Variants in TSPAN14 observed in about 807,000 individuals in gnomAD.
TSPAN14 encodes tetraspanin 14, also known as tetraspanin-14.
Under a neutral mutation model 36.6 loss-of-function variants are expected in TSPAN14, and 16 were observed. The ratio of observed to expected loss-of-function variants is 0.44; its 90% CI spans 0.30 to 0.66. TSPAN14 has a LOEUF of 0.66. Among genes scored for constraint, TSPAN14 ranks in the 30% least tolerant of loss-of-function variants. TSPAN14 has a pLI of 0.12. For synonymous variants in TSPAN14, 139 were observed against 143.8 expected, an observed-to-expected ratio of 0.97 and a Z score of 0.24; for missense variants, 231 against 355.1, an observed-to-expected ratio of 0.65 and a Z score of 2.81.
At chr10:80,522,265 C>G (rs538925228) in exon 9 of TSPAN14, 1 of 152,208 alleles carries the variant, frequency 6.6e-6, no homozygotes, top group Admixed American at 6.5e-5. Context: ...AATCCCAGAA[C>G]TTTGGGAGGC....
chr10:80,483,186 C>T (rs1383807384), intron 1 of TSPAN14, among the ~76,000 whole-genome samples: 1 of 152,160 alleles, frequency 6.6e-6, no homozygotes, highest in African/African-American at 2.4e-5. Context: ...GACTGCCAGC[C>T]TTATATATTG....
At chr10:80,469,162 G>T (rs898301527) in intron 1 of TSPAN14, among the ~76,000 whole-genome samples, 1 of 151,962 alleles carries the variant, frequency 6.6e-6, no homozygotes, top group Non-Finnish European at 1.5e-5. Context: ...GGTGGGGGTA[G>T]GGATGGGGGG....
chr10:80,461,303 C>T (rs760559126), intron 1 of TSPAN14, among the ~76,000 whole-genome samples: 3 of 152,192 alleles, frequency 2.0e-5, no homozygotes, highest in Admixed American at 6.5e-5. Context: ...AACCTGTCGG[C>T]TGTGGATGGG....
Position 80,480,408 on chromosome 10 carries a change from G to C in TSPAN14, c.-17-8809G>C, listed in dbSNP as rs180829118. Among the ~76,000 whole-genome samples, 12 of 152,290 alleles carry C rather than the reference G, an allele frequency of 7.9e-5. No homozygotes were observed. The East Asian group carries it at 1.9e-3, about 24-fold the overall frequency. Reference sequence around the variant, plus strand: ...AGATCTAGAACTAGAAATACCATTTGACTCAGCCATCCCATTACTGGGTAT... The same window carrying C: ...AGATCTAGAACTAGAAATACCATTTCACTCAGCCATCCCATTACTGGGTAT... On this transcript the variant is annotated intron_variant, in intron 1 of 8. Transcript: ENST00000429989.
intron 1 of TSPAN14, among the ~76,000 whole-genome samples, chr10:80,461,894 G>A (rs569098907): frequency 6.6e-6 from 1 of 150,824 alleles, no homozygotes; most frequent in Non-Finnish European, 1.5e-5. Flanking sequence ...GGTTCTCACT[G>A]TTGTGAGATC....
chr10:80,500,329 T>C (rs1848434088), intron 2 of TSPAN14, among the ~76,000 whole-genome samples: 1 of 128,368 alleles, frequency 7.8e-6, no homozygotes, highest in Non-Finnish European at 1.7e-5. Context: ...TTTTTTTTTT[T>C]TTTTTTTTTT....
At chr10:80,511,207 A>T (rs73305191) in intron 5 of TSPAN14, among the ~76,000 whole-genome samples, 2,413 of 152,178 alleles carry the variant, frequency 0.016, 67 homozygotes, top group African/African-American at 0.056. Context: ...TCAAATAAGG[A>T]TTTTCTTTGT....
intron 1 of TSPAN14, among the ~76,000 whole-genome samples, chr10:80,458,989 G>GA (rs997145014): frequency 4.0e-5 from 6 of 149,458 alleles, no homozygotes; most frequent in South Asian, 4.2e-4. Flanking sequence ...TTTCTTCCTG[G>GA]AAAAAAAAAG....
intron 1 of TSPAN14, chr10:80,459,357 GAGC>G (rs1208854799): frequency 6.6e-6 from 1 of 152,442 alleles, no homozygotes; most frequent in African/African-American, 2.4e-5. Flanking sequence ...CCTCCCAACT[GAGC>G]AGCCAGGGAG....
chr10:80,516,574 G>A (rs560232666), intron 8 of TSPAN14, among the ~76,000 whole-genome samples: 1 of 152,230 alleles, frequency 6.6e-6, no homozygotes, highest in African/African-American at 2.4e-5. Context: ...GGAGGGGCTT[G>A]TGGCCCTGCA....
intron 2 of TSPAN14, among the ~76,000 whole-genome samples, chr10:80,493,221 T>C (rs1364436175): frequency 6.6e-6 from 1 of 152,194 alleles, no homozygotes; most frequent in African/African-American, 2.4e-5. Context: ...TTCACACCCA[T>C]TGGGATGGCT....
rs745396195 is a variant in TSPAN14, at chr10:80,509,315, C to A, written c.294C>A (p.Ile98=). Residue 98 remains isoleucine (I), a synonymous_variant, in exon 5 of 9, where the codon ATC becomes ATA. Transcript: ENST00000429989. The surrounding 1 kb of genome is among the most constrained non-coding windows in gnomAD (Gnocchi z 4.7). ...TTCCCCTGCAGTTCTGTGGCACCAT[C>A]GTGCTCATCTTCTTCCTGGAGCTGG... The A allele has an allele frequency of 1.2e-6, 2 of 1,613,786 alleles. No individual in the cohort carries two copies. Among genetic ancestry groups the A allele is most frequent in the African/African-American group, 2.7e-5 (2 of 75,028 alleles).
intron 1 of TSPAN14, among the ~76,000 whole-genome samples, chr10:80,483,290 C>G (rs1847396102): frequency 6.6e-6 from 1 of 152,142 alleles, no homozygotes; most frequent in Non-Finnish European, 1.5e-5. Flanking sequence ...AAGTGTGATG[C>G]TGGAAACCTT....
chr10:80,489,329 G>T lies in TSPAN14; in HGVS notation c.81+15G>T, dbSNP rs777832545. 4.0e-6 allele frequency: 6 copies of T among 1,487,618 alleles called. No homozygotes were observed. In the Admixed American group the frequency reaches 7.7e-5, roughly 19 times the overall value. 92.2% of individuals were successfully genotyped at this position (1,487,618 alleles called of 1,614,324 possible). ...TCATCTTCTGGGTAAGTGGATGAGA[G>T]CTGCCACATTCCCTTGTTTAGTCCT... On this transcript the variant is annotated intron_variant, in intron 2 of 8. Coordinates refer to ENST00000429989, the Ensembl canonical transcript of TSPAN14.
chr10:80,469,043 G>C (rs949426912), intron 1 of TSPAN14, among the ~76,000 whole-genome samples: 7 of 152,182 alleles, frequency 4.6e-5, no homozygotes, highest in African/African-American at 1.7e-4. Context: ...TGGGTGTGCA[G>C]TGCACAGCAG....
At chr10:80,489,056 G>A (rs1847780515) in intron 1 of TSPAN14, among the ~76,000 whole-genome samples, 161 bp from the exon 2 acceptor site, 1 of 152,154 alleles carries the variant, frequency 6.6e-6, no homozygotes, top group Non-Finnish European at 1.5e-5. Flanking sequence ...CCTGAGTTTT[G>A]CATTACCTAT....
chr10:80,497,681 C>T (rs935987929), intron 2 of TSPAN14, among the ~76,000 whole-genome samples: 46 of 152,152 alleles, frequency 3.0e-4, no homozygotes, highest in Admixed American at 3.0e-3. Context: ...GTGCTCCCTC[C>T]GCCTGCCTTC....
chr10:80,467,095 A>G (rs1439344485), intron 1 of TSPAN14, among the ~76,000 whole-genome samples: 1 of 152,134 alleles, frequency 6.6e-6, no homozygotes, highest in East Asian at 1.9e-4. Context: ...AGTCCTCTTT[A>G]TATTTCGGTA....
At chr10:80,499,060 C>T (rs77777288) in intron 2 of TSPAN14, among the ~76,000 whole-genome samples, 2,132 of 152,264 alleles carry the variant, frequency 0.014, 99 homozygotes, top group East Asian at 0.13. Context: ...GCCTCTGGGG[C>T]CTGCAGGAGT....
Sources: allele counts gnomAD v4.1 joint callset (sites outside exome capture counted in the v4.1 genomes callset), GRCh38; gene constraint gnomAD v4.1.1; non-coding constraint Gnocchi (gnomAD v3.1); transcripts MANE v1.5; gene names NCBI Gene and HGNC (gene_info 2026-07-23, HGNC 2026-07-21).